The following SPAG16 variants were observed in gnomAD, a reference collection of about 807,000 sequenced individuals.
SPAG16 encodes the protein sperm-associated antigen 16 protein.
SPAG16 carries 86 observed loss-of-function variants against 80.4 expected under a neutral mutation model. The observed-to-expected ratio is 1.07, with a 90% CI of 0.90 to 1.28. The LOEUF is 1.28. SPAG16 is among the 50% of genes most tolerant of loss of function. The pLI is 0.00. For missense variants in SPAG16, 870 were observed against 765.3 expected (o/e 1.14, Z -1.61); for synonymous variants, 294 against 265.9 (o/e 1.11, Z -1.03).
chr2:213,781,279 A>C (rs537087721), intron 10 of SPAG16, among the ~76,000 whole-genome samples: 34 of 152,296 alleles, frequency 2.2e-4, no homozygotes, highest in African/African-American at 7.7e-4. Flanking sequence ...AGAGGGAAAA[A>C]CTATGAAAAC....
intron 9 of SPAG16, among the ~76,000 whole-genome samples, chr2:213,421,742 A>C (rs889001834): frequency 2.6e-5 from 4 of 152,160 alleles, no homozygotes; most frequent in Admixed American, 2.6e-4. Flanking sequence ...TGTGGGAAGG[A>C]GCTACCCAAT....
intron 9 of SPAG16, among the ~76,000 whole-genome samples, chr2:213,454,915 TAG>T (rs2071910624): frequency 6.6e-6 from 1 of 152,362 alleles, no homozygotes; most frequent in African/African-American, 2.4e-5. Context: ...ACACCCCTTT[TAG>T]AGTTTTAAAC....
chr2:213,515,160 C>T (rs552673927), intron 10 of SPAG16, among the ~76,000 whole-genome samples: 9 of 147,660 alleles, frequency 6.1e-5, no homozygotes, highest in Non-Finnish European at 1.0e-4. Context: ...ATAAGTAGTA[C>T]GTATGTATAT....
chr2:213,298,310 T>C (rs2062591869), intron 3 of SPAG16, among the ~76,000 whole-genome samples: 1 of 152,214 alleles, frequency 6.6e-6, no homozygotes, highest in African/African-American at 2.4e-5. Flanking sequence ...AAGTGAAATC[T>C]ATTCCATAGA....
intron 9 of SPAG16, among the ~76,000 whole-genome samples, chr2:213,398,830 G>A (rs1445817461): frequency 2.0e-5 from 3 of 152,024 alleles, no homozygotes; most frequent in Admixed American, 6.6e-5. Context: ...TTTATTAATT[G>A]TATTCACTGC....
chr2:213,547,958 C>T (rs1210887389), intron 10 of SPAG16, among the ~76,000 whole-genome samples: 2 of 152,164 alleles, frequency 1.3e-5, no homozygotes, highest in Non-Finnish European at 2.9e-5. Context: ...TACCAAGATT[C>T]ATTTAATCTG....
rs1487409648 is a variant in SPAG16, at chr2:214,011,497, C to T, written c.1401-2454C>T. Among the ~76,000 whole-genome samples, 3 of 152,010 alleles carry T rather than the reference C, an allele frequency of 2.0e-5. 1 individual carries two copies. In the East Asian group the frequency reaches 5.8e-4, roughly 29 times the overall value. Reference sequence around the variant, plus strand: ...AATTAAATATTTTTGATTTGTGGACCATATTATCTCTGTTGTGGCTATGCA... The same window carrying T: ...AATTAAATATTTTTGATTTGTGGACTATATTATCTCTGTTGTGGCTATGCA... On this transcript the variant is annotated intron_variant, in intron 12 of 15. Transcript: ENST00000331683.
chr2:213,639,168 A>C (rs1282914760), intron 10 of SPAG16, among the ~76,000 whole-genome samples: 8 of 152,208 alleles, frequency 5.3e-5, no homozygotes. Flanking sequence ...GACAGAGGAT[A>C]CTTGATTGGT....
At chr2:213,924,505 G>T (rs1271612348) in intron 11 of SPAG16, among the ~76,000 whole-genome samples, 1 of 152,188 alleles carries the variant, frequency 6.6e-6, no homozygotes, top group Non-Finnish European at 1.5e-5. Context: ...TGATTGGCCT[G>T]CAGGGTCAGT....
chr2:213,839,088 A>C (rs1266937745), intron 10 of SPAG16, among the ~76,000 whole-genome samples: 1 of 152,236 alleles, frequency 6.6e-6, no homozygotes, highest in African/African-American at 2.4e-5. Context: ...TGGAAAAGCC[A>C]ATCCTCAGAG....
intron 15 of SPAG16, among the ~76,000 whole-genome samples, chr2:214,158,416 C>T (rs1260569861): frequency 1.3e-5 from 2 of 151,908 alleles, no homozygotes; most frequent in Non-Finnish European, 2.9e-5. Flanking sequence ...CTGTATTGCT[C>T]AGCAAGACTA....
At chr2:214,062,182 G>T (rs1377567312) in intron 13 of SPAG16, among the ~76,000 whole-genome samples, 2 of 152,036 alleles carry the variant, frequency 1.3e-5, no homozygotes, top group African/African-American at 2.4e-5. Context: ...CACTTTGGGA[G>T]GCCGAAGTGG....
chr2:214,078,344 G>C (rs937692991), intron 13 of SPAG16, among the ~76,000 whole-genome samples: 4 of 152,120 alleles, frequency 2.6e-5, no homozygotes, highest in Non-Finnish European at 5.9e-5. Context: ...CTTGAGTCCA[G>C]GAGTTTGAGA....
At chr2:213,534,777 C>A (rs1007763242) in intron 10 of SPAG16, among the ~76,000 whole-genome samples, 1 of 152,068 alleles carries the variant, frequency 6.6e-6, no homozygotes, top group Non-Finnish European at 1.5e-5. Flanking sequence ...CACAAATCAA[C>A]AAACGCTACT....
At chr2:213,927,960 T>A (rs766638846) in intron 11 of SPAG16, among the ~76,000 whole-genome samples, 15 of 152,234 alleles carry the variant, frequency 9.9e-5, no homozygotes, top group Non-Finnish European at 2.1e-4. Context: ...AAAACTAAAA[T>A]TCTGAATGAC....
intron 10 of SPAG16, among the ~76,000 whole-genome samples, chr2:213,577,634 T>C (rs978457716): frequency 2.0e-5 from 3 of 152,210 alleles, no homozygotes; most frequent in Non-Finnish European, 4.4e-5. Context: ...ACAATAATTA[T>C]GTTTTTGCTC....
At chr2:213,506,569 C>T (rs553417321) in intron 10 of SPAG16, among the ~76,000 whole-genome samples, 7 of 152,216 alleles carry the variant, frequency 4.6e-5, no homozygotes, top group Admixed American at 2.0e-4. Flanking sequence ...CATCTTATCT[C>T]GAACCCTCAT....
intron 9 of SPAG16, among the ~76,000 whole-genome samples, chr2:213,388,126 C>T (rs2067547570): frequency 6.6e-6 from 1 of 152,184 alleles, no homozygotes; most frequent in South Asian, 2.1e-4. Flanking sequence ...CCTTCAGCCA[C>T]CCTAGCTCTG....
chr2:213,521,237 G>T (rs1311061248), intron 10 of SPAG16, among the ~76,000 whole-genome samples: 1 of 152,216 alleles, frequency 6.6e-6, no homozygotes, highest in Admixed American at 6.5e-5. Flanking sequence ...GATCATGGAA[G>T]ATTGAGCTAC....
Sources: gnomAD v4.1 joint callset for allele counts (sites outside exome capture counted in the v4.1 genomes callset) on GRCh38, gnomAD v4.1.1 for gene constraint, MANE v1.5 for transcripts, NCBI Gene and HGNC (gene_info 2026-07-23, HGNC 2026-07-21) for gene names.